Variants in PCDHGB3 observed in about 807,000 individuals in gnomAD.
PCDHGB3 encodes the protein protocadherin gamma-B3.
PCDHGB3 carries 40 observed loss-of-function variants against 59.2 expected under a neutral mutation model. The observed-to-expected ratio is 0.68, with a 90% CI of 0.52 to 0.88. The LOEUF (loss-of-function observed/expected upper bound fraction) is 0.88, where lower values mean the gene tolerates loss of function less well. PCDHGB3 is among the 40% of genes least tolerant of loss of function. PCDHGB3 has a pLI of 0.00. For synonymous variants in PCDHGB3, 581 were observed against 503.6 expected (o/e 1.15, Z -2.06); for missense variants, 1,309 against 1,187.9 (o/e 1.10, Z -1.50).
chr5:141,422,715 T>C, intron 1 of PCDHGB3: 7 of 1,603,978 alleles, frequency 4.4e-6, no homozygotes, highest in African/African-American at 1.3e-5. Context: ...CGGATGACAC[T>C]GTCCAGGGGG....
At position 141,477,754 on chromosome 5, in the gene PCDHGB3, C is replaced by T. The variant is rs1325020341; in HGVS notation, c.2416-17053C>T. The T allele has an allele frequency of 3.7e-6, 6 of 1,613,928 alleles. No homozygotes were observed. Among genetic ancestry groups the T allele is most frequent in the Non-Finnish European group, 5.1e-6 (6 of 1,180,046 alleles). On this transcript the variant is annotated intron_variant, in intron 1 of 3. Coordinates refer to ENST00000576222, the MANE Select transcript of PCDHGB3 (RefSeq NM_018924.5). The surrounding 1 kb of genome is among the most constrained non-coding windows in gnomAD (Gnocchi z 4.9). Reference sequence around the variant, plus strand: ...ATATCAGCGATGGGGGCACCCCGGTCCTAGCCACCAACATCAGCGTGAACA... The same window carrying T: ...ATATCAGCGATGGGGGCACCCCGGTTCTAGCCACCAACATCAGCGTGAACA...
At chr5:141,376,675 C>CTTT in intron 1 of PCDHGB3, 7 of 345,068 alleles carry the variant, frequency 2.0e-5, no homozygotes, top group Admixed American at 4.8e-5. Context: ...GTGAGGGTAT[C>CTTT]GTTTTTTTTT....
chr5:141,434,254 T>C (rs1440934691), intron 1 of PCDHGB3, among the ~76,000 whole-genome samples: 3 of 152,176 alleles, frequency 2.0e-5, no homozygotes, highest in Admixed American at 6.5e-5. Context: ...TTGGGCATTG[T>C]GGGGGAGGTG....
intron 1 of PCDHGB3, chr5:141,390,730 A>T (rs964390196): frequency 2.0e-5 from 4 of 195,852 alleles, no homozygotes; most frequent in Non-Finnish European, 3.1e-5. Flanking sequence ...TTTAACTGGT[A>T]TGGTCTCCAT....
intron 1 of PCDHGB3, among the ~76,000 whole-genome samples, chr5:141,455,808 A>G (rs2098832210): frequency 6.6e-6 from 1 of 152,050 alleles, no homozygotes; most frequent in Non-Finnish European, 1.5e-5. Flanking sequence ...TAAAAAATGA[A>G]AACTTCCCAA....
At chr5:141,426,010 C>T (rs2096909211) in intron 1 of PCDHGB3, among the ~76,000 whole-genome samples, 1 of 152,178 alleles carries the variant, frequency 6.6e-6, no homozygotes, top group Non-Finnish European at 1.5e-5. Flanking sequence ...CTTCCGGCTG[C>T]AGTTTTCTAA....
intron 1 of PCDHGB3, chr5:141,403,095 T>A (rs754367041): frequency 6.2e-7 from 1 of 1,614,026 alleles, no homozygotes; most frequent in East Asian, 2.2e-5. Flanking sequence ...GTGGGCAACA[T>A]CTCCAAGGAC....
At chr5:141,421,088 C>A in intron 1 of PCDHGB3, 2 of 659,434 alleles carry the variant, frequency 3.0e-6, no homozygotes, top group South Asian at 4.0e-5. Flanking sequence ...CTCACAGATC[C>A]TGACACTGGA....
chr5:141,370,796 C>T lies in PCDHGB3; in HGVS notation c.402C>T (p.Ser134=), dbSNP rs1460787163. 2 of 1,613,888 alleles carry T rather than the reference C, an allele frequency of 1.2e-6. No homozygotes were observed. Among genetic ancestry groups the T allele is most frequent in the Non-Finnish European group, 1.7e-6 (2 of 1,179,912 alleles). ...QDINDNPPTF[S]QNITELEISE... is the part of the protein sequence containing the mutation. ...TTAACGACAACCCACCGACCTTTAG[C>T]CAAAATATCACTGAGCTGGAAATCA... is the stretch of plus-strand genomic sequence containing the variant. Residue 134 remains serine (S), a synonymous_variant, in exon 1 of 4, where the codon AGC becomes AGT. Coordinates refer to ENST00000576222, the MANE Select transcript of PCDHGB3 (RefSeq NM_018924.5).
Position 141,486,859 on chromosome 5 carries a change from T to C in PCDHGB3, c.2416-7948T>C, listed in dbSNP as rs1231188225. ...TTGTGCTGGACCTCAATGACAATGC[T>C]CCAGCTGTGCTCCGTCCTCGGGCCC... On this transcript the variant is annotated intron_variant, in intron 1 of 3. Transcript: ENST00000576222. The surrounding 1 kb of genome is among the most constrained non-coding windows in gnomAD (Gnocchi z 5.0). The C allele has an allele frequency of 1.9e-6, 3 of 1,614,242 alleles. No individual in the cohort carries two copies. The highest frequency in any genetic ancestry group is 2.7e-5 in the African/African-American group (2 of 75,072).
intron 1 of PCDHGB3, chr5:141,421,833 C>A: frequency 6.2e-7 from 1 of 1,613,756 alleles, no homozygotes; most frequent in South Asian, 1.1e-5. Context: ...GAAGCCTGGA[C>A]CGAGAGAAAG....
chr5:141,438,063 A>T (rs540817874), intron 1 of PCDHGB3, among the ~76,000 whole-genome samples: 1 of 152,106 alleles, frequency 6.6e-6, no homozygotes, highest in Non-Finnish European at 1.5e-5. Context: ...CTTTTAAGAA[A>T]CCATACTTAA....
At chr5:141,399,115 GA>G in intron 1 of PCDHGB3, 3 of 1,613,814 alleles carry the variant, frequency 1.9e-6, no homozygotes, top group Non-Finnish European at 2.5e-6. Context: ...ATGTACAGTT[GA>G]AATTAATATT....
At chr5:141,421,895 G>C in intron 1 of PCDHGB3, 1 of 1,613,730 alleles carries the variant, frequency 6.2e-7, no homozygotes, top group Non-Finnish European at 8.5e-7. Context: ...GATCCCATCC[G>C]AAAGGGCGCA....
chr5:141,391,186 A>G (rs772016494), intron 1 of PCDHGB3: 1 of 152,220 alleles, frequency 6.6e-6, no homozygotes, highest in Non-Finnish European at 1.5e-5. Flanking sequence ...TGGTGTGCAT[A>G]CAAAATATAT....
At chr5:141,501,869 C>G (rs1595765055) in intron 2 of PCDHGB3, among the ~76,000 whole-genome samples, 1 of 152,130 alleles carries the variant, frequency 6.6e-6, no homozygotes, top group Non-Finnish European at 1.5e-5. Context: ...CCCAGGACGC[C>G]TCCTTACACT....
Position 141,423,666 on chromosome 5 carries a change from AT to A in PCDHGB3, c.2415+50860del, listed in dbSNP as rs1184681047. 2.7e-6 allele frequency: 4 copies of A among 1,494,382 alleles called. No individual in the cohort carries two copies. The South Asian group carries it at 5.0e-5, about 19-fold the overall frequency. The allele number at this position is 1,494,382 out of a possible 1,614,324, so 92.6% of individuals were successfully genotyped here. A position where few individuals can be genotyped will look rare whatever the true frequency, so the allele number is the denominator to read the frequency against. ...GTGACCCGACAAGTAATCAGGTGAGATTTATTTCTCTGCCTCCTAATTGTTG... is the reference window on the plus strand; with the variant it reads ...GTGACCCGACAAGTAATCAGGTGAGATTATTTCTCTGCCTCCTAATTGTTG... On this transcript the variant is annotated intron_variant, in intron 1 of 3. Coordinates refer to ENST00000576222, the MANE Select transcript of PCDHGB3 (RefSeq NM_018924.5).
chr5:141,394,060 C>G, intron 1 of PCDHGB3: 8 of 1,613,780 alleles, frequency 5.0e-6, no homozygotes, highest in Non-Finnish European at 5.9e-6. Context: ...GAAAATGTCT[C>G]TATCTACAAT....
chr5:141,502,028 G>A (rs561260963), intron 2 of PCDHGB3, among the ~76,000 whole-genome samples: 62 of 152,150 alleles, frequency 4.1e-4, no homozygotes, highest in African/African-American at 1.5e-3. Flanking sequence ...TGCAACCCCC[G>A]CCGCTTGCCT....
Sources: gnomAD v4.1 joint callset for allele counts (sites outside exome capture counted in the v4.1 genomes callset) on GRCh38, gnomAD v4.1.1 for gene constraint, Gnocchi (gnomAD v3.1) non-coding constraint, MANE v1.5 for transcripts, NCBI Gene and HGNC (gene_info 2026-07-23, HGNC 2026-07-21) for gene names.